PODXL2: variants seen among roughly 807,000 people sequenced by gnomAD.
PODXL2 encodes podocalyxin-like protein 2.
Under a neutral mutation model 53.4 loss-of-function variants are expected in PODXL2, and 17 were observed. That is an observed-to-expected ratio of 0.32 (90% confidence interval 0.22 to 0.48). The LOEUF is 0.48. Ranked by LOEUF, PODXL2 falls within the 20% of genes least tolerant of loss-of-function variation. The pLI is 0.99. For synonymous variants in PODXL2, 311 were observed against 306.7 expected (o/e 1.01, Z -0.15); for missense variants, 673 against 760.0 (o/e 0.89, Z 1.35).
intron 4 of PODXL2, among the ~76,000 whole-genome samples, chr3:127,663,788 T>C (rs758031640): frequency 2.0e-5 from 3 of 152,202 alleles, no homozygotes; most frequent in East Asian, 1.9e-4. Flanking sequence ...AAATGGTACA[T>C]GAAGACCACA....
At chr3:127,646,703 A>G (rs1056886324) in intron 2 of PODXL2, among the ~76,000 whole-genome samples, 7 of 152,202 alleles carry the variant, frequency 4.6e-5, no homozygotes, top group African/African-American at 1.7e-4. Context: ...ATTTTGAGTT[A>G]GCTCATTTGG....
Position 127,672,400 on chromosome 3 carries a change from C to G in PODXL2, c.1738C>G (p.Pro580Ala), listed in dbSNP as rs924975897. The G allele has an allele frequency of 2.6e-6, 4 of 1,544,020 alleles. No homozygotes were observed. ...SLNGGGALNGPGSWGALMGGK... is the reference protein window; with the variant it reads ...SLNGGGALNGAGSWGALMGGK... ...GAACGGCGGCGGGGCCCTCAACGGC[C>G]CGGGGAGCTGGGGGGCGCTCATGGG... The change falls in exon 8 of 8, where the codon CCG becomes GCG. Residue 580 changes from proline to alanine, a missense_variant. Physicochemically the swap from Pro to Ala is conservative, Grantham distance 27. Transcript: ENST00000342480.
At chr3:127,642,925 A>G (rs1250995312) in intron 2 of PODXL2, among the ~76,000 whole-genome samples, 3 of 152,194 alleles carry the variant, frequency 2.0e-5, no homozygotes, top group Admixed American at 1.3e-4. Context: ...GGAGATAATT[A>G]TATACCTACC....
At chr3:127,657,230 T>G (rs928026788) in intron 2 of PODXL2, among the ~76,000 whole-genome samples, 4 of 152,172 alleles carry the variant, frequency 2.6e-5, no homozygotes, top group African/African-American at 4.8e-5. Context: ...TCTCTGACTT[T>G]TGGAAAGTCA....
intron 1 of PODXL2, among the ~76,000 whole-genome samples, chr3:127,630,170 A>G (rs574746319): frequency 1.3e-5 from 2 of 152,228 alleles, no homozygotes; most frequent in South Asian, 4.1e-4. Flanking sequence ...GCAGGCGGCC[A>G]CTATGGAAAT....
At chr3:127,670,164 T>C (rs1282219767) in intron 6 of PODXL2, among the ~76,000 whole-genome samples, 1 of 152,040 alleles carries the variant, frequency 6.6e-6, no homozygotes, top group Non-Finnish European at 1.5e-5. Context: ...CACCACCCCA[T>C]GGGGTTGTGA....
intron 2 of PODXL2, among the ~76,000 whole-genome samples, chr3:127,645,634 G>A (rs183142338): frequency 3.3e-5 from 5 of 152,370 alleles, no homozygotes; most frequent in East Asian, 1.9e-4. Flanking sequence ...GGACATCTCC[G>A]TGTACTGGCA....
intron 6 of PODXL2, among the ~76,000 whole-genome samples, chr3:127,670,312 C>T (rs1462396764): frequency 2.0e-5 from 3 of 152,180 alleles, no homozygotes; most frequent in Admixed American, 1.3e-4. Flanking sequence ...AGCCTGATTC[C>T]GGAGCCCGGG....
intron 4 of PODXL2, among the ~76,000 whole-genome samples, chr3:127,665,201 G>T (rs1390929838): frequency 6.6e-6 from 1 of 152,104 alleles, no homozygotes; most frequent in Non-Finnish European, 1.5e-5. Flanking sequence ...TATTTGTCTT[G>T]TCTCTTTAGT....
At chr3:127,649,881 G>A (rs985814311) in intron 2 of PODXL2, among the ~76,000 whole-genome samples, 1 of 152,222 alleles carries the variant, frequency 6.6e-6, no homozygotes, top group Non-Finnish European at 1.5e-5. Flanking sequence ...AGGCTGCAGT[G>A]AGCCCAGATC....
rs188151875 is a variant in PODXL2 at position 127,672,000 on chromosome 3, A to T, written c.1606-268A>T. Among the ~76,000 whole-genome samples the T allele has an allele frequency of 5.2e-3, 797 of 152,326 alleles. 7 individuals are homozygous for T. Among genetic ancestry groups the T allele is most frequent in the African/African-American group, 0.018 (751 of 41,574 alleles). On this transcript the variant is annotated intron_variant, in intron 7 of 7. Coordinates refer to ENST00000342480, the MANE Select transcript of PODXL2 (RefSeq NM_015720.4). ...GGAGGAAGCGAGCAGAGCCCTAGCG[A>T]TGCTCCCTGCCCACCTCGCAAGTGG...
At chr3:127,634,868 G>A (rs983152916) in intron 1 of PODXL2, among the ~76,000 whole-genome samples, 2 of 152,332 alleles carry the variant, frequency 1.3e-5, no homozygotes, top group East Asian at 1.9e-4. Flanking sequence ...TCTGAGAAGC[G>A]CTGATTAGAG....
intron 6 of PODXL2, among the ~76,000 whole-genome samples, chr3:127,669,790 C>T (rs1559880023): frequency 6.6e-6 from 1 of 152,190 alleles, no homozygotes; most frequent in Non-Finnish European, 1.5e-5. Context: ...TGGCCCATCC[C>T]GATCAACCTC....
At position 127,629,432 on chromosome 3, in the gene PODXL2, C is replaced by A; in HGVS notation, c.70+143C>A. ...GTCCCGGCCGGGCCGCGGCGCCGCC[C>A]CGACACACGCGCACGAGGAGTGGGT... On this transcript the variant is annotated intron_variant, in intron 1 of 7. Transcript: ENST00000342480. The surrounding 1 kb of genome is among the most constrained non-coding windows in gnomAD (Gnocchi z 6.4). 2 of 626,192 alleles carry A rather than the reference C, an allele frequency of 3.2e-6. No individual in the cohort carries two copies. The highest frequency in any genetic ancestry group is 4.0e-6 in the Non-Finnish European group (2 of 501,988). The allele number at this position is 626,192 out of a possible 1,614,324, so 38.8% of individuals were successfully genotyped here.
chr3:127,643,932 C>G (rs998146723), intron 2 of PODXL2, among the ~76,000 whole-genome samples: 2 of 152,162 alleles, frequency 1.3e-5, no homozygotes, highest in Non-Finnish European at 2.9e-5. Context: ...AGCCAGCACG[C>G]CTGGCCCCTT....
chr3:127,656,022 G>A (rs1276473406), intron 2 of PODXL2, among the ~76,000 whole-genome samples: 3 of 152,356 alleles, frequency 2.0e-5, no homozygotes, highest in East Asian at 1.9e-4. Context: ...TTAGGAGGCA[G>A]AAGAATTCAA....
At position 127,668,474 on chromosome 3, in the gene PODXL2, C is replaced by T. The variant is rs2074809801; in HGVS notation, c.1240C>T (p.Leu414=). Residue 414 remains leucine, a synonymous_variant, in exon 5 of 8, where the codon CTG becomes TTG. Transcript: ENST00000342480. ...CCGGCAGCACCGGGGGCCACAGCTC[C>T]TGGCCCTGGTGGAAGAGGTGCTGCC... ...VFRQHRGPQL[L]ALVEEVLPRH... 1 of 1,549,672 alleles carries T rather than the reference C, an allele frequency of 6.5e-7. No homozygotes were observed. The highest frequency in any genetic ancestry group is 8.7e-7 in the Non-Finnish European group (1 of 1,149,262).
chr3:127,664,393 C>T (rs895548481), intron 4 of PODXL2, among the ~76,000 whole-genome samples: 3 of 151,574 alleles, frequency 2.0e-5, no homozygotes, highest in Admixed American at 6.6e-5. Flanking sequence ...GTTATTTATC[C>T]ATGCAGCTGT....
chr3:127,672,486 GC>G lies in PODXL2; in HGVS notation c.*8del. On this transcript the variant is annotated 3_prime_UTR_variant, in exon 8 of 8. Coordinates refer to ENST00000342480, the MANE Select transcript of PODXL2 (RefSeq NM_015720.4). ...AGGAGGACACGCACCTGTGAGCGCA[GC>G]CGAGGCGCAGGCCGAGTGGGCCGCC... 1 of 1,481,484 alleles carries G rather than the reference GC, an allele frequency of 6.7e-7. No homozygotes were observed. Among genetic ancestry groups the G allele is most frequent in the Non-Finnish European group, 9.0e-7 (1 of 1,116,420 alleles). 91.8% of individuals were successfully genotyped at this position (1,481,484 alleles called of 1,614,324 possible). A position where few individuals can be genotyped will look rare whatever the true frequency, so the allele number is the denominator to read the frequency against.
Sources: gnomAD v4.1 joint callset for allele counts (sites outside exome capture counted in the v4.1 genomes callset) on GRCh38, gnomAD v4.1.1 for gene constraint, Gnocchi (gnomAD v3.1) non-coding constraint, MANE v1.5 for transcripts, NCBI Gene and HGNC (gene_info 2026-07-23, HGNC 2026-07-21) for gene names.